The following PALLD variants were observed in gnomAD, a reference collection of about 807,000 sequenced individuals.
PALLD encodes palladin.
PALLD carries 61 observed loss-of-function variants against 123.5 expected under a neutral mutation model. The ratio of observed to expected loss-of-function variants is 0.49; its 90% CI spans 0.40 to 0.61. PALLD has a LOEUF of 0.61. Among genes scored for constraint, PALLD ranks in the 20% least tolerant of loss-of-function variants. PALLD has a pLI of 0.00. For synonymous variants in PALLD, 465 were observed against 496.4 expected (o/e 0.94, Z 0.84); for missense variants, 1,273 against 1,377.0 (o/e 0.92, Z 1.20).
At chr4:168,626,328 G>A (rs933595370) in intron 2 of PALLD, among the ~76,000 whole-genome samples, 25 of 151,468 alleles carry the variant, frequency 1.7e-4, no homozygotes, top group Non-Finnish European at 1.5e-4. Context: ...CGTGAACCGG[G>A]AGGTGGAGCT....
intron 2 of PALLD, among the ~76,000 whole-genome samples, chr4:168,529,304 T>C (rs1480687527): frequency 6.6e-6 from 1 of 150,718 alleles, no homozygotes; most frequent in Non-Finnish European, 1.5e-5. Flanking sequence ...GCCACTGCAC[T>C]CCAGCCTGAG....
chr4:168,509,033 A>G (rs886749566), intron 1 of PALLD, among the ~76,000 whole-genome samples: 6 of 152,170 alleles, frequency 3.9e-5, no homozygotes, highest in African/African-American at 1.4e-4. Context: ...ACCCAGTACC[A>G]TTGCTGGATT....
intron 2 of PALLD, among the ~76,000 whole-genome samples, chr4:168,600,763 G>A (rs1772562850): frequency 6.6e-6 from 1 of 152,106 alleles, no homozygotes; most frequent in South Asian, 2.1e-4. Context: ...TTAAAGAGAG[G>A]ATGCAAAGAA....
intron 8 of PALLD, among the ~76,000 whole-genome samples, chr4:168,705,378 A>G (rs1026057522): frequency 5.9e-5 from 9 of 152,356 alleles, no homozygotes; most frequent in African/African-American, 1.9e-4. Context: ...GTAGATGACT[A>G]TAAAAGCTTC....
chr4:168,767,665 A>T (rs1196366523), intron 10 of PALLD, among the ~76,000 whole-genome samples: 1 of 151,194 alleles, frequency 6.6e-6, no homozygotes, highest in Non-Finnish European at 1.5e-5. Context: ...CTCCTGCCTC[A>T]GCCTCCCAAG....
At chr4:168,889,554 A>G (rs755552233) in intron 10 of PALLD, among the ~76,000 whole-genome samples, 1 of 152,190 alleles carries the variant, frequency 6.6e-6, no homozygotes, top group Non-Finnish European at 1.5e-5. Context: ...ATACCTCAAT[A>G]AAATGAAATT....
chr4:168,746,304 C>A (rs1466929259), intron 10 of PALLD, among the ~76,000 whole-genome samples: 1 of 143,462 alleles, frequency 7.0e-6, no homozygotes, highest in Non-Finnish European at 1.5e-5. Context: ...TGGCGTGAAC[C>A]CGGGAGGCGG....
intron 15 of PALLD, among the ~76,000 whole-genome samples, chr4:168,905,168 T>TG (rs1757420546): frequency 6.9e-6 from 1 of 144,384 alleles, no homozygotes; most frequent in Non-Finnish European, 1.5e-5. Flanking sequence ...TTTTTTTTTT[T>TG]GAGATGGAAT....
intron 10 of PALLD, among the ~76,000 whole-genome samples, chr4:168,801,381 C>T (rs911466803): frequency 2.6e-5 from 4 of 152,158 alleles, no homozygotes; most frequent in East Asian, 1.9e-4. Flanking sequence ...CGGGTTCAAG[C>T]GATTTTCCTG....
rs3035644 is a variant in PALLD, at chr4:168,593,440, A to AAAAAAAGAAAAAAG, written c.909-74737_909-74736insGAAAAAAGAAAAAA. 5.4e-4 allele frequency among the ~76,000 whole-genome samples: 76 copies of AAAAAAAGAAAAAAG among 140,932 alleles called. 1 individual carries two copies. Among genetic ancestry groups the AAAAAAAGAAAAAAG allele is most frequent in the African/African-American group, 2.1e-3 (75 of 36,270 alleles). The allele number at this position is 140,932 out of a possible 152,430, so 92.5% of individuals were successfully genotyped here. A position where few individuals can be genotyped will look rare whatever the true frequency, so the allele number is the denominator to read the frequency against. On this transcript the variant is annotated intron_variant, in intron 2 of 21. Transcript: ENST00000505667. ...AAGACACTACCAGTCACCAGGCAAA[A>AAAAAAAGAAAAAAG]AAAAAAGAAAAAAAGGAAGACGAGT...
intron 18 of PALLD, among the ~76,000 whole-genome samples, chr4:168,922,100 TATAC>T (rs1205589835): frequency 0.031 from 3,019 of 96,372 alleles, 30 homozygotes; most frequent in Non-Finnish European, 0.038. Flanking sequence ...TATATATATA[TATAC>T]ACACACACAC....
At chr4:168,804,567 C>T (rs533292591) in intron 10 of PALLD, among the ~76,000 whole-genome samples, 1 of 152,164 alleles carries the variant, frequency 6.6e-6, no homozygotes, top group Non-Finnish European at 1.5e-5. Context: ...ACAAATAGGC[C>T]CCCATCAGCC....
rs557161413 is a variant in PALLD at position 168,869,563 on chromosome 4, G to A, written c.1965-21359G>A. ...AGGAAGGAAAACTCAAAATGGGTTT[G>A]GGGAACAATAAGAGTAACAAACTTA... is the stretch of plus-strand genomic sequence containing the variant. On this transcript the variant is annotated intron_variant, in intron 10 of 21. Transcript: ENST00000505667. This position sits in a 1 kb window ranked among gnomAD's most constrained non-coding sequence, Gnocchi z 4.5. 6.6e-6 allele frequency among the ~76,000 whole-genome samples: 1 copy of A among 152,302 alleles called. No individual in the cohort carries two copies. The highest frequency in any genetic ancestry group is 1.9e-4 in the East Asian group (1 of 5,184).
chr4:168,543,482 C>T lies in PALLD; in HGVS notation c.908+31070C>T, dbSNP rs138045305. ...TGTAAGTTTTCCTCTATTCTGCCTCCGCCACAGTTGTAAGAGAGAGACATT... is the reference window on the plus strand; with the variant it reads ...TGTAAGTTTTCCTCTATTCTGCCTCTGCCACAGTTGTAAGAGAGAGACATT... On this transcript the variant is annotated intron_variant, in intron 2 of 21. Coordinates refer to ENST00000505667, the MANE Select transcript of PALLD (RefSeq NM_001166108.2). Among the ~76,000 whole-genome samples, 122 of 151,462 alleles carry T rather than the reference C, an allele frequency of 8.1e-4. No individual in the cohort carries two copies. The South Asian group carries it at 0.01, about 12-fold the overall frequency.
At chr4:168,644,099 T>G (rs1169557069) in intron 2 of PALLD, among the ~76,000 whole-genome samples, 1 of 151,790 alleles carries the variant, frequency 6.6e-6, no homozygotes, top group African/African-American at 2.4e-5. Flanking sequence ...ATCTTTTTTT[T>G]TTTTTTTTAA....
intron 2 of PALLD, among the ~76,000 whole-genome samples, chr4:168,619,602 T>C (rs951246154): frequency 3.3e-5 from 5 of 152,194 alleles, no homozygotes; most frequent in African/African-American, 1.2e-4. Flanking sequence ...GGAGATCAAC[T>C]GTTTCTTATA....
intron 2 of PALLD, among the ~76,000 whole-genome samples, chr4:168,512,909 G>C (rs191187557): frequency 3.9e-5 from 6 of 152,160 alleles, no homozygotes; most frequent in Admixed American, 2.0e-4. Context: ...CCTACTTGAG[G>C]GGGGAGAGTA....
At chr4:168,673,191 C>T (rs897274732) in intron 3 of PALLD, among the ~76,000 whole-genome samples, 6 of 152,140 alleles carry the variant, frequency 3.9e-5, no homozygotes, top group East Asian at 1.9e-4. Context: ...CATCACTGCA[C>T]GAACACTCCA....
chr4:168,504,269 CATA>C (rs1290839288), intron 1 of PALLD, among the ~76,000 whole-genome samples: 1 of 152,154 alleles, frequency 6.6e-6, no homozygotes, highest in Admixed American at 6.5e-5. Flanking sequence ...TGGTGAAGAA[CATA>C]ATGCTACGCA....
Sources: allele counts gnomAD v4.1 joint callset (sites outside exome capture counted in the v4.1 genomes callset), GRCh38; gene constraint gnomAD v4.1.1; non-coding constraint Gnocchi (gnomAD v3.1); transcripts MANE v1.5; gene names NCBI Gene and HGNC (gene_info 2026-07-23, HGNC 2026-07-21).